OXCT1: variants seen among roughly 807,000 people sequenced by gnomAD.
The protein encoded by OXCT1 is 3-oxoacid CoA-transferase 1.
A neutral mutation model predicts 69.6 loss-of-function variants in OXCT1; 27 were observed. The observed-to-expected ratio is 0.39, with a 90% CI of 0.29 to 0.54. The LOEUF (loss-of-function observed/expected upper bound fraction) is 0.54. OXCT1 is among the 20% of genes least tolerant of loss of function. OXCT1 has a pLI of 0.72. For synonymous variants in OXCT1, 202 were observed against 217.8 expected, an observed-to-expected ratio of 0.93 and a Z score of 0.64; for missense variants, 437 against 650.2, an observed-to-expected ratio of 0.67 and a Z score of 3.57.
chr5:41,843,865 C>T lies in OXCT1; in HGVS notation c.565-1084G>A, dbSNP rs139138960. 1.9e-3 allele frequency among the ~76,000 whole-genome samples: 287 copies of T among 152,204 alleles called. 4 individuals are homozygous for T. The highest frequency in any genetic ancestry group is 6.5e-3 in the African/African-American group (268 of 41,526). On this transcript the variant is annotated intron_variant, in intron 5 of 16. Transcript: ENST00000196371. ...GCCTGCTAGAAAAAAGATTAATGCA[C>T]TTAGGGAATAACTGATGAATGAGGA...
chr5:41,866,028 C>CCA (rs1554019584), intron 1 of OXCT1, among the ~76,000 whole-genome samples: 1 of 146,452 alleles, frequency 6.8e-6, no homozygotes, highest in Non-Finnish European at 1.5e-5. Flanking sequence ...GTAGACCCCC[C>CCA]CCCCCACCGC....
chr5:41,815,402 T>C (rs2112310035), intron 7 of OXCT1, among the ~76,000 whole-genome samples: 1 of 152,218 alleles, frequency 6.6e-6, no homozygotes, highest in South Asian at 2.1e-4. Flanking sequence ...TTGTCTCAAA[T>C]TCCTGGGCTC....
chr5:41,830,535 G>A (rs547175525), intron 7 of OXCT1, among the ~76,000 whole-genome samples: 1 of 152,290 alleles, frequency 6.6e-6, no homozygotes, highest in East Asian at 1.9e-4. Flanking sequence ...CATAGTGAAT[G>A]CCAAATTTGA....
At chr5:41,778,344 T>C (rs1483803062) in intron 13 of OXCT1, among the ~76,000 whole-genome samples, 1 of 152,198 alleles carries the variant, frequency 6.6e-6, no homozygotes, top group African/African-American at 2.4e-5. Context: ...TTAAAAACTC[T>C]GCGTTTTACT....
At chr5:41,739,643 A>T in intron 15 of OXCT1, 152 bp from the exon 16 acceptor site, 1 of 630,860 alleles carries the variant, frequency 1.6e-6, no homozygotes, top group Non-Finnish European at 2.9e-6. Flanking sequence ...AGGTGGGTGG[A>T]TCACAAGGTC....
chr5:41,850,020 T>A lies in OXCT1; in HGVS notation c.564+10A>T. The A allele has an allele frequency of 6.2e-7, 1 of 1,613,006 alleles. No homozygotes were observed. Among genetic ancestry groups the A allele is most frequent in the South Asian group, 1.1e-5 (1 of 91,064 alleles). On this transcript the variant is annotated intron_variant, in intron 5 of 16. Transcript: ENST00000196371. ...GATCCTGGTATAATCTGGTTAAGAG[T>A]GTTTCTTACCTCTCTTGGCTTACTG...
intron 5 of OXCT1, 76 bp from the exon 6 acceptor site, chr5:41,842,857 G>T: frequency 1.0e-6 from 1 of 953,626 alleles, no homozygotes; most frequent in Non-Finnish European, 1.7e-6. Flanking sequence ...GATAGAGGTA[G>T]ATAATAAGGA....
intron 14 of OXCT1, among the ~76,000 whole-genome samples, chr5:41,754,456 A>G (rs758013463): frequency 1.3e-4 from 20 of 152,076 alleles, no homozygotes; most frequent in Admixed American, 2.6e-4. Context: ...GAGAAGATGG[A>G]TACCCCATTC....
At position 41,852,761 on chromosome 5, in the gene OXCT1, T is replaced by C. The variant is rs554168028; in HGVS notation, c.414+658A>G. Among the ~76,000 whole-genome samples the C allele has an allele frequency of 8.5e-5, 13 of 152,328 alleles. No homozygotes were observed. The South Asian group carries it at 2.5e-3, about 29-fold the overall frequency. On this transcript the variant is annotated intron_variant, in intron 4 of 16. Coordinates refer to ENST00000196371, the MANE Select transcript of OXCT1 (RefSeq NM_000436.4). ...TGTCTCAGCAAGACCAGATCACCCA[T>C]AAATTTCTAGTTCTAAAATTCATAG...
At chr5:41,773,050 T>C (rs1325408201) in intron 13 of OXCT1, among the ~76,000 whole-genome samples, 4 of 152,176 alleles carry the variant, frequency 2.6e-5, no homozygotes, top group Non-Finnish European at 5.9e-5. Context: ...ACACAGTTTC[T>C]CCTTTCAACA....
chr5:41,776,610 T>C (rs919063447), intron 13 of OXCT1, among the ~76,000 whole-genome samples: 1 of 152,234 alleles, frequency 6.6e-6, no homozygotes, highest in Non-Finnish European at 1.5e-5. Context: ...CAAATGAATC[T>C]GTGCTTTGTT....
chr5:41,850,779 T>A (rs1412347859), intron 4 of OXCT1, among the ~76,000 whole-genome samples: 1 of 152,172 alleles, frequency 6.6e-6, no homozygotes, highest in Non-Finnish European at 1.5e-5. Context: ...CAAAGTTACT[T>A]TGTATCTTCT....
At chr5:41,774,227 C>A (rs1483484281) in intron 13 of OXCT1, among the ~76,000 whole-genome samples, 2 of 152,054 alleles carry the variant, frequency 1.3e-5, no homozygotes, top group Admixed American at 1.3e-4. Context: ...TACTTTTTTC[C>A]TCTATCCTTA....
At chr5:41,793,043 A>C (rs1045922531) in intron 13 of OXCT1, among the ~76,000 whole-genome samples, 4 of 152,232 alleles carry the variant, frequency 2.6e-5, no homozygotes, top group African/African-American at 9.6e-5. Context: ...GTGGCATTAG[A>C]TCAAATGAGC....
chr5:41,814,167 T>C (rs1429379638), intron 7 of OXCT1, among the ~76,000 whole-genome samples: 1 of 151,980 alleles, frequency 6.6e-6, no homozygotes, highest in Admixed American at 6.6e-5. Context: ...AGCACATTTA[T>C]CAAATTGGAA....
chr5:41,817,233 T>TA (rs200831486), intron 7 of OXCT1, among the ~76,000 whole-genome samples: 3,118 of 151,136 alleles, frequency 0.021, 91 homozygotes, highest in African/African-American at 0.07. Flanking sequence ...TTCCTATAGT[T>TA]AAAAAAAAAG....
intron 13 of OXCT1, among the ~76,000 whole-genome samples, chr5:41,778,992 T>C (rs140068345): frequency 6.6e-6 from 1 of 152,200 alleles, no homozygotes; most frequent in African/African-American, 2.4e-5. Flanking sequence ...CACCATAGCA[T>C]TGACTTTCAG....
chr5:41,754,656 A>C (rs1255082917), intron 14 of OXCT1, among the ~76,000 whole-genome samples: 5 of 152,100 alleles, frequency 3.3e-5, no homozygotes, highest in Non-Finnish European at 2.9e-5. Flanking sequence ...GATTACTCAC[A>C]CTGCATTTGT....
Position 41,767,854 on chromosome 5 carries a change from C to T in OXCT1, c.1249-5654G>A, listed in dbSNP as rs576642370. The stretch of plus-strand genomic sequence containing the variant: ...TCCTCCACTTAGGGGCTTCTATGGT[C>T]CTGGTTCCTCCTACTGCTATTGAGG... On this transcript the variant is annotated intron_variant, in intron 13 of 16. Transcript: ENST00000196371. Among the ~76,000 whole-genome samples, 105 of 150,788 alleles carry T rather than the reference C, an allele frequency of 7.0e-4. 1 individual carries two copies. The highest frequency in any genetic ancestry group is 2.5e-3 in the African/African-American group (104 of 40,914).
Sources: allele counts gnomAD v4.1 joint callset (sites outside exome capture counted in the v4.1 genomes callset), GRCh38; gene constraint gnomAD v4.1.1; transcripts MANE v1.5; gene names NCBI Gene and HGNC (gene_info 2026-07-23, HGNC 2026-07-21).